KIFC3: variants seen among roughly 807,000 people sequenced by gnomAD.
KIFC3 encodes the protein kinesin-like protein KIFC3.
KIFC3 carries 60 observed loss-of-function variants against 101.8 expected under a neutral mutation model. The observed-to-expected ratio is 0.59, with a 90% CI of 0.48 to 0.73. KIFC3 has a LOEUF of 0.73. Among genes scored for constraint, KIFC3 ranks in the 30% least tolerant of loss-of-function variants. The pLI is 0.00. For missense variants in KIFC3, 966 were observed against 1,137.1 expected, an observed-to-expected ratio of 0.85 and a Z score of 2.16; for synonymous variants, 476 against 482.7, an observed-to-expected ratio of 0.99 and a Z score of 0.18.
chr16:57,762,398 T>G (rs2049972464), intron 12 of KIFC3, 128 bp from the exon 13 acceptor site: 2 of 979,902 alleles, frequency 2.0e-6, no homozygotes, highest in East Asian at 5.5e-5. Context: ...CTTACCTACC[T>G]GCCACTGTCC....
intron 1 of KIFC3, among the ~76,000 whole-genome samples, chr16:57,839,218 T>C (rs1344320631): frequency 3.3e-5 from 5 of 151,354 alleles, no homozygotes; most frequent in Admixed American, 6.6e-5. Context: ...GAAACCATAT[T>C]TGGGGTGATG....
intron 1 of KIFC3, among the ~76,000 whole-genome samples, chr16:57,847,630 C>T (rs1191373475): frequency 2.0e-5 from 3 of 151,970 alleles, no homozygotes; most frequent in Non-Finnish European, 4.4e-5. Context: ...CTGTTATAAG[C>T]AGGGGAGGGG....
intron 1 of KIFC3, among the ~76,000 whole-genome samples, chr16:57,829,087 T>C (rs1259322886): frequency 6.6e-6 from 1 of 152,138 alleles, no homozygotes; most frequent in East Asian, 1.9e-4. Context: ...TAAGGACCCA[T>C]AAAAACGTTT....
In KIFC3 at chr16:57,759,895, C is replaced by T. The variant is rs2049622539; in HGVS notation, c.2368-59G>A. ...ACGGCTGCCCTGGCTCCCCACCCTG[C>T]TGTGCTTCTCTCTACTCCCCTGCCC... On this transcript the variant is annotated intron_variant, in intron 17 of 19. Coordinates refer to ENST00000445690, the MANE Select transcript of KIFC3 (RefSeq NM_001130100.2). 3 of 1,316,278 alleles carry T rather than the reference C, an allele frequency of 2.3e-6. No homozygotes were observed. The South Asian group carries it at 3.9e-5, about 17-fold the overall frequency. 81.5% of individuals were successfully genotyped at this position (1,316,278 alleles called of 1,614,324 possible).
intron 12 of KIFC3, among the ~76,000 whole-genome samples, 178 bp downstream of exon 12, chr16:57,763,965 G>A (rs1352394675): frequency 6.6e-6 from 1 of 152,188 alleles, no homozygotes; most frequent in Admixed American, 6.5e-5. Context: ...TGGGCAAGGG[G>A]GCCCCCTCTT....
Position 57,758,684 on chromosome 16 carries a change from C to G in KIFC3, c.*250G>C, listed in dbSNP as rs1597841700. 1.4e-6 allele frequency: 1 copy of G among 719,618 alleles called. No individual in the cohort carries two copies. Among genetic ancestry groups the G allele is most frequent in the East Asian group, 2.7e-5 (1 of 37,330 alleles). 44.6% of individuals were successfully genotyped at this position (719,618 alleles called of 1,614,324 possible). On this transcript the variant is annotated 3_prime_UTR_variant, in exon 20 of 20. Coordinates refer to ENST00000445690, the MANE Select transcript of KIFC3 (RefSeq NM_001130100.2). ...CAGGCCTGCCAGGAAGAGCAGCCAC[C>G]CCCGCCTTTCCGCCCATGCAATTTG...
intron 1 of KIFC3, among the ~76,000 whole-genome samples, chr16:57,844,488 GA>G (rs1160406944): frequency 1.3e-5 from 2 of 151,662 alleles, no homozygotes; most frequent in East Asian, 3.9e-4. Context: ...TCTGGTGAAG[GA>G]CCCTTACCTG....
At chr16:57,785,021 G>C (rs2053169945) in intron 3 of KIFC3, among the ~76,000 whole-genome samples, 1 of 152,196 alleles carries the variant, frequency 6.6e-6, no homozygotes, top group Non-Finnish European at 1.5e-5. Flanking sequence ...GAAATCAAAA[G>C]AACAAGAAAC....
At chr16:57,787,681 C>G (rs2053472347) in intron 3 of KIFC3, among the ~76,000 whole-genome samples, 1 of 152,178 alleles carries the variant, frequency 6.6e-6, no homozygotes, top group Non-Finnish European at 1.5e-5. Context: ...TTCCTCTTCT[C>G]AGCGCACAAT....
intron 3 of KIFC3, chr16:57,788,759 G>A (rs2149141612): frequency 3.1e-6 from 4 of 1,284,130 alleles, no homozygotes; most frequent in Non-Finnish European, 3.0e-6. Flanking sequence ...GACTGTGCCA[G>A]GGAAGGACCC....
At chr16:57,857,940 C>A (rs576850254) in intron 1 of KIFC3, among the ~76,000 whole-genome samples, 54 of 150,598 alleles carry the variant, frequency 3.6e-4, no homozygotes, top group African/African-American at 1.3e-3. Flanking sequence ...GATTCTCCTG[C>A]CTCAGCCTCC....
intron 1 of KIFC3, among the ~76,000 whole-genome samples, chr16:57,827,546 C>T (rs782278830): frequency 2.6e-5 from 4 of 152,186 alleles, no homozygotes; most frequent in Non-Finnish European, 4.4e-5. Flanking sequence ...CTGGAGCTTC[C>T]GTTCTGCTGA....
At chr16:57,818,107 C>T (rs373546633) in intron 1 of KIFC3, among the ~76,000 whole-genome samples, 19 of 152,108 alleles carry the variant, frequency 1.2e-4, no homozygotes, top group East Asian at 7.7e-4. Flanking sequence ...CTGCTCACTG[C>T]ACCCTCCACC....
intron 1 of KIFC3, among the ~76,000 whole-genome samples, chr16:57,833,130 T>A (rs2055617783): frequency 6.6e-6 from 1 of 151,870 alleles, no homozygotes; most frequent in East Asian, 1.9e-4. Context: ...CGCTTGAACC[T>A]GGGAGGTAGA....
chr16:57,860,437 G>A (rs2056280305), intron 1 of KIFC3, among the ~76,000 whole-genome samples: 2 of 152,192 alleles, frequency 1.3e-5, no homozygotes, highest in Admixed American at 6.6e-5. Context: ...TGGGCAACAG[G>A]AGTGAAACTC....
chr16:57,802,485 C>T lies in KIFC3; in HGVS notation c.-155G>A. 2 of 983,418 alleles carry T rather than the reference C, an allele frequency of 2.0e-6. No individual in the cohort carries two copies. The highest frequency in any genetic ancestry group is 2.4e-6 in the Non-Finnish European group (2 of 829,178). 60.9% of individuals were successfully genotyped at this position (983,418 alleles called of 1,614,324 possible). On this transcript the variant is annotated 5_prime_UTR_variant, in exon 1 of 20. Coordinates refer to ENST00000445690, the MANE Select transcript of KIFC3 (RefSeq NM_001130100.2). This position sits in a 1 kb window ranked among gnomAD's most constrained non-coding sequence, Gnocchi z 5.0. ...GCCTCCTCCTCGGCCAGCCCGCTCG[C>T]GCCCCTCCCGCACACTTTCCACAGG...
chr16:57,781,390 G>A (rs1555614573), intron 3 of KIFC3, among the ~76,000 whole-genome samples: 1 of 152,200 alleles, frequency 6.6e-6, no homozygotes, highest in Non-Finnish European at 1.5e-5. Flanking sequence ...TGAGGCCATG[G>A]CTCTAGGGAC....
At position 57,816,430 on chromosome 16, in the gene KIFC3, G is replaced by A. The variant is rs868931657; in HGVS notation, c.109-18148C>T. 6.4e-5 allele frequency: 31 copies of A among 487,740 alleles called. 1 individual carries two copies. Among genetic ancestry groups the A allele is most frequent in the Middle Eastern group, 3.2e-4 (1 of 3,154 alleles). The allele number at this position is 487,740 out of a possible 1,614,324, so 30.2% of individuals were successfully genotyped here. ...GACAGAAGCTGGGCCAAGAGGCAAA[G>A]GTTTTGGCCGCCACAGGGGAAACTC... On this transcript the variant is annotated intron_variant, in intron 1 of 2. Transcript: ENST00000563028.
chr16:57,847,043 C>G (rs58473856), intron 1 of KIFC3, among the ~76,000 whole-genome samples: 127,069 of 151,602 alleles, frequency 0.84, 53,449 homozygotes, highest in East Asian at 0.98. Context: ...AAATTAGCCA[C>G]GTGTGCTGGC....
Sources: allele counts gnomAD v4.1 joint callset (sites outside exome capture counted in the v4.1 genomes callset), GRCh38; gene constraint gnomAD v4.1.1; non-coding constraint Gnocchi (gnomAD v3.1); transcripts MANE v1.5; gene names NCBI Gene and HGNC (gene_info 2026-07-23, HGNC 2026-07-21).